NPAS3: variants seen among roughly 807,000 people sequenced by gnomAD.
NPAS3 encodes neuronal PAS domain protein 3.
A neutral mutation model predicts 73.1 loss-of-function variants in NPAS3; 14 were observed. The observed-to-expected ratio is 0.19, with a 90% confidence interval of 0.13 to 0.30. NPAS3 has a LOEUF of 0.30. NPAS3 is among the 10% of genes least tolerant of loss of function. The pLI, the probability that NPAS3 is intolerant of heterozygous loss-of-function variation, is 1.00. For synonymous variants in NPAS3, 620 were observed against 541.5 expected (o/e 1.14, Z -2.01); for missense variants, 1,096 against 1,250.0 (o/e 0.88, Z 1.86).
chr14:33,113,522 C>T (rs1171425127), intron 2 of NPAS3, among the ~76,000 whole-genome samples: 1 of 152,050 alleles, frequency 6.6e-6, no homozygotes. Context: ...GATTTTGTAT[C>T]CTGAGACTTT....
chr14:33,468,065 G>A (rs1022085068), intron 4 of NPAS3, among the ~76,000 whole-genome samples: 8 of 152,166 alleles, frequency 5.3e-5, no homozygotes, highest in Admixed American at 2.0e-4. Flanking sequence ...CCCCCCAAGA[G>A]TACAAGTGTG....
At chr14:33,103,697 T>C (rs11621665) in intron 2 of NPAS3, among the ~76,000 whole-genome samples, 9,241 of 152,188 alleles carry the variant, frequency 0.061, 393 homozygotes, top group Admixed American at 0.092. Context: ...AGTGATTGGG[T>C]AATAATGAAG....
At chr14:33,630,988 C>A (rs2058362132) in intron 5 of NPAS3, among the ~76,000 whole-genome samples, 1 of 152,132 alleles carries the variant, frequency 6.6e-6, no homozygotes, top group Non-Finnish European at 1.5e-5. Flanking sequence ...GGTAATTATG[C>A]CTTTATGTTT....
chr14:33,672,118 CAG>C (rs200174139), intron 5 of NPAS3, among the ~76,000 whole-genome samples: 1,707 of 152,218 alleles, frequency 0.011, 59 homozygotes, highest in Admixed American at 0.073. Context: ...ACCAGTTAAA[CAG>C]AGTTTTGCCG....
At chr14:33,595,674 C>T (rs1595236709) in intron 5 of NPAS3, among the ~76,000 whole-genome samples, 1 of 151,712 alleles carries the variant, frequency 6.6e-6, no homozygotes, top group South Asian at 2.1e-4. Context: ...TAATCAGTTG[C>T]ACTTCTTTTT....
chr14:32,955,721 G>T (rs2036647094), intron 1 of NPAS3, among the ~76,000 whole-genome samples: 1 of 152,046 alleles, frequency 6.6e-6, no homozygotes, highest in Non-Finnish European at 1.5e-5. Context: ...AGGAATAAAT[G>T]AATTCCAGTT....
At chr14:33,037,585 G>A (rs1217285591) in intron 1 of NPAS3, among the ~76,000 whole-genome samples, 4 of 152,146 alleles carry the variant, frequency 2.6e-5, no homozygotes, top group African/African-American at 7.2e-5. Flanking sequence ...AAGATTGCTT[G>A]AGCCCAGGAG....
chr14:33,112,679 C>T (rs569618556), intron 2 of NPAS3, among the ~76,000 whole-genome samples: 1 of 152,164 alleles, frequency 6.6e-6, no homozygotes, highest in Non-Finnish European at 1.5e-5. Flanking sequence ...AATTAGATCC[C>T]ATTTGTCAAT....
At chr14:33,669,221 G>T (rs2059541831) in intron 5 of NPAS3, among the ~76,000 whole-genome samples, 1 of 152,228 alleles carries the variant, frequency 6.6e-6, no homozygotes, top group Non-Finnish European at 1.5e-5. Context: ...TCTTGGCATC[G>T]TTTCACTTTT....
At chr14:33,603,704 A>G (rs949209841) in intron 5 of NPAS3, among the ~76,000 whole-genome samples, 1 of 152,206 alleles carries the variant, frequency 6.6e-6, no homozygotes, top group African/African-American at 2.4e-5. Context: ...GCCAAATGAC[A>G]TGATACTGGA....
intron 2 of NPAS3, among the ~76,000 whole-genome samples, chr14:33,084,081 T>A (rs2041946630): frequency 6.6e-6 from 1 of 152,176 alleles, no homozygotes; most frequent in South Asian, 2.1e-4. Flanking sequence ...TAAAAGTATA[T>A]CAAAAAGAGT....
At chr14:33,265,119 G>T (rs910307104) in intron 3 of NPAS3, among the ~76,000 whole-genome samples, 2 of 152,188 alleles carry the variant, frequency 1.3e-5, no homozygotes, top group African/African-American at 4.8e-5. Flanking sequence ...GGTCCCTCGT[G>T]TTAATTCAAG....
chr14:32,974,167 T>C (rs1273059743), intron 1 of NPAS3, among the ~76,000 whole-genome samples: 7 of 152,184 alleles, frequency 4.6e-5, no homozygotes, highest in Admixed American at 4.6e-4. Flanking sequence ...ATTACTGTCA[T>C]CTAAGTGACA....
chr14:33,408,453 A>G (rs1023851647), intron 4 of NPAS3, among the ~76,000 whole-genome samples: 12 of 151,652 alleles, frequency 7.9e-5, no homozygotes, highest in Admixed American at 7.2e-4. Context: ...TTTTTTTTTA[A>G]TCTCTTCTTC....
At chr14:33,006,525 A>T (rs1411758009) in intron 1 of NPAS3, among the ~76,000 whole-genome samples, 1 of 152,204 alleles carries the variant, frequency 6.6e-6, no homozygotes, top group Admixed American at 6.5e-5. Flanking sequence ...GGGTTACCAC[A>T]GCCTGGTCTT....
rs532463658 is a variant in NPAS3, at chr14:33,800,644, C to A, written c.2337C>A (p.Ser779Arg). 8.7e-5 allele frequency: 126 copies of A among 1,444,758 alleles called. No individual in the cohort carries two copies. The South Asian group carries it at 1.7e-3, about 19-fold the overall frequency. 89.5% of individuals were successfully genotyped at this position (1,444,758 alleles called of 1,614,324 possible). The change falls in exon 12 of 12, where the codon AGC (serine) becomes AGA (arginine). Residue 779 changes from serine to arginine, a missense_variant. Physicochemically the swap from Ser to Arg is moderately radical, Grantham distance 110 (BLOSUM62 -1). Coordinates refer to ENST00000356141, the Ensembl canonical transcript of NPAS3. The surrounding 1 kb of genome is among the most constrained non-coding windows in gnomAD (Gnocchi z 6.5). ...GCGGCGCGGGGGGCGGCGGCCCCAG[C>A]GCGTCCAACTCCTTGCTGTACACTG...
In NPAS3 at chr14:33,243,900, A is replaced by G. The variant is rs142402823; in HGVS notation, c.385+28474A>G. 7.4e-3 allele frequency among the ~76,000 whole-genome samples: 1,120 copies of G among 152,290 alleles called. 8 individuals are homozygous for G. The highest frequency in any genetic ancestry group is 0.014 in the Middle Eastern group (4 of 294). The stretch of plus-strand genomic sequence containing the variant: ...AGTGTCAGTATTAGTCTGAAACATC[A>G]TTAATGTTCTCTAAAGGGAAAAATT... On this transcript the variant is annotated intron_variant, in intron 3 of 11. Coordinates refer to ENST00000356141, the Ensembl canonical transcript of NPAS3.
At chr14:33,016,901 T>C (rs2039417159) in intron 1 of NPAS3, among the ~76,000 whole-genome samples, 1 of 152,174 alleles carries the variant, frequency 6.6e-6, no homozygotes, top group Non-Finnish European at 1.5e-5. Context: ...GATGGTATAA[T>C]GTTAAAAGAT....
chr14:33,784,938 C>T (rs1452437427), intron 9 of NPAS3, among the ~76,000 whole-genome samples: 4 of 150,148 alleles, frequency 2.7e-5, no homozygotes, highest in Non-Finnish European at 5.9e-5. Flanking sequence ...TTAGTAGGGA[C>T]GGAGTTTCTC....
Sources: allele counts gnomAD v4.1 joint callset (sites outside exome capture counted in the v4.1 genomes callset), GRCh38; gene constraint gnomAD v4.1.1; non-coding constraint Gnocchi (gnomAD v3.1); transcripts MANE v1.5; gene names NCBI Gene and HGNC (gene_info 2026-07-23, HGNC 2026-07-21).